Variants in BTBD9 observed in about 807,000 individuals in gnomAD.
The protein encoded by BTBD9 is BTB domain containing 9.
BTBD9 carries 49 observed loss-of-function variants against 64.3 expected under a neutral mutation model. The ratio of observed to expected loss-of-function variants is 0.76; its 90% confidence interval spans 0.61 to 0.97. The LOEUF (loss-of-function observed/expected upper bound fraction) is 0.97. Among genes scored for constraint, BTBD9 ranks in the 50% least tolerant of loss-of-function variants. BTBD9 has a pLI of 0.00. For missense variants in BTBD9, 598 were observed against 762.1 expected, an observed-to-expected ratio of 0.78 and a Z score of 2.53; for synonymous variants, 260 against 274.7, an observed-to-expected ratio of 0.95 and a Z score of 0.53.
intron 6 of BTBD9, among the ~76,000 whole-genome samples, chr6:38,428,658 C>T (rs72852635): frequency 0.051 from 7,653 of 151,204 alleles, 295 homozygotes; most frequent in Middle Eastern, 0.14. Flanking sequence ...GAATGGTTCC[C>T]AAACAACTGT....
chr6:38,414,454 AT>A (rs1369623004), intron 6 of BTBD9, among the ~76,000 whole-genome samples: 1 of 152,138 alleles, frequency 6.6e-6, no homozygotes, highest in Non-Finnish European at 1.5e-5. Flanking sequence ...TGAATTCATC[AT>A]TTTTCCCCCA....
chr6:38,355,534 T>A (rs1033535701), intron 6 of BTBD9, among the ~76,000 whole-genome samples: 4 of 152,168 alleles, frequency 2.6e-5, no homozygotes, highest in Non-Finnish European at 5.9e-5. Context: ...TCCTCACACT[T>A]GTTTCAGAAA....
intron 6 of BTBD9, among the ~76,000 whole-genome samples, chr6:38,469,703 A>G (rs985642436): frequency 4.6e-5 from 7 of 152,176 alleles, no homozygotes; most frequent in Non-Finnish European, 8.8e-5. Flanking sequence ...GGACCGTTAC[A>G]CAGATACCAG....
chr6:38,633,800 A>C (rs1235559578), intron 1 of BTBD9, among the ~76,000 whole-genome samples: 1 of 152,190 alleles, frequency 6.6e-6, no homozygotes, highest in African/African-American at 2.4e-5. Context: ...GCTAAAAAAA[A>C]AATATACATC....
At chr6:38,410,663 C>G (rs1767384291) in intron 6 of BTBD9, among the ~76,000 whole-genome samples, 1 of 152,004 alleles carries the variant, frequency 6.6e-6, no homozygotes, top group Admixed American at 6.6e-5. Flanking sequence ...ATGAATTAAA[C>G]ATCTTCAGTG....
rs532510651 is a variant in BTBD9 at position 38,322,916 on chromosome 6, C to T, written c.1264+22068G>A. On this transcript the variant is annotated intron_variant, in intron 7 of 10. Coordinates refer to ENST00000481247, the MANE Select transcript of BTBD9 (RefSeq NM_001099272.2). ...TGTCTGATAAATAATCTTTTCTTCA[C>T]GTACTATATCCTCAAGACAATTGAA... is the stretch of plus-strand genomic sequence containing the variant. Among the ~76,000 whole-genome samples the T allele has an allele frequency of 1.2e-3, 180 of 152,138 alleles. 1 individual carries two copies. Among genetic ancestry groups the T allele is most frequent in the African/African-American group, 4.1e-3 (169 of 41,476 alleles).
chr6:38,480,890 G>A (rs1358553895), intron 6 of BTBD9, among the ~76,000 whole-genome samples: 1 of 152,220 alleles, frequency 6.6e-6, no homozygotes, highest in African/African-American at 2.4e-5. Flanking sequence ...AAGAGATAGT[G>A]GGTATGAATG....
At chr6:38,461,159 C>T (rs1770068100) in intron 6 of BTBD9, among the ~76,000 whole-genome samples, 1 of 152,122 alleles carries the variant, frequency 6.6e-6, no homozygotes. Context: ...CTTTTGTTTG[C>T]TTTTAACAAC....
chr6:38,634,857 G>A (rs1037363715), intron 1 of BTBD9, among the ~76,000 whole-genome samples: 2 of 152,194 alleles, frequency 1.3e-5, no homozygotes, highest in Admixed American at 1.3e-4. Flanking sequence ...AATGAGATAA[G>A]CTCTACGAAA....
intron 6 of BTBD9, among the ~76,000 whole-genome samples, chr6:38,400,109 TC>T (rs1766863125): frequency 6.6e-6 from 1 of 152,028 alleles, no homozygotes; most frequent in Non-Finnish European, 1.5e-5. Flanking sequence ...ACTCTTCCTT[TC>T]CAAGGCATAC....
rs1232258698 is a variant in BTBD9, at chr6:38,639,902, C to G, written c.-130G>C. 1 of 152,406 alleles carries G rather than the reference C, an allele frequency of 6.6e-6. No individual in the cohort carries two copies. The highest frequency in any genetic ancestry group is 2.4e-5 in the African/African-American group (1 of 41,422). 9.4% of individuals were successfully genotyped at this position (152,406 alleles called of 1,614,324 possible). On this transcript the variant is annotated 5_prime_UTR_variant, in exon 1 of 11. Transcript: ENST00000481247. ...GCCCCCTTGGCCGCTTCCGTGGCCG[C>G]CGTCCTCGCCGCCGCCCCGGCTGCT... is the stretch of plus-strand genomic sequence containing the variant.
intron 1 of BTBD9, among the ~76,000 whole-genome samples, chr6:38,630,599 A>G (rs1322517448): frequency 6.6e-6 from 1 of 152,224 alleles, no homozygotes; most frequent in Admixed American, 6.5e-5. Context: ...TCTTTGTACT[A>G]TTCCAGCAAT....
intron 6 of BTBD9, among the ~76,000 whole-genome samples, chr6:38,444,632 G>A (rs1428761349): frequency 6.6e-6 from 1 of 152,086 alleles, no homozygotes; most frequent in Non-Finnish European, 1.5e-5. Flanking sequence ...TAACCCCTCT[G>A]TACTTCAGAC....
At chr6:38,385,542 ATATTTAT>A (rs1480140641) in intron 6 of BTBD9, among the ~76,000 whole-genome samples, 1 of 152,080 alleles carries the variant, frequency 6.6e-6, no homozygotes, top group African/African-American at 2.4e-5. Context: ...GTCTGAATGT[ATATTTAT>A]TATTGCAAGA....
At chr6:38,386,184 T>A (rs1398817950) in intron 6 of BTBD9, among the ~76,000 whole-genome samples, 1 of 152,212 alleles carries the variant, frequency 6.6e-6, no homozygotes, top group Non-Finnish European at 1.5e-5. Context: ...TAATTTTTGT[T>A]ATTTCATTCC....
intron 5 of BTBD9, among the ~76,000 whole-genome samples, chr6:38,579,872 TTGTG>T (rs981726141): frequency 9.2e-5 from 14 of 152,184 alleles, no homozygotes; most frequent in African/African-American, 2.4e-4. Flanking sequence ...GGTTTCTGTT[TTGTG>T]TGTGTATGTG....
chr6:38,191,397 C>T (rs1047621741), intron 10 of BTBD9, among the ~76,000 whole-genome samples: 14 of 152,270 alleles, frequency 9.2e-5, no homozygotes, highest in Non-Finnish European at 4.4e-5. Context: ...TGGATGGAAA[C>T]GAGAAGCCCT....
chr6:38,557,672 T>C (rs967686208), intron 6 of BTBD9, among the ~76,000 whole-genome samples: 2 of 152,168 alleles, frequency 1.3e-5, no homozygotes, highest in Non-Finnish European at 2.9e-5. Context: ...TATTAGGATA[T>C]CACTATGAGG....
intron 6 of BTBD9, among the ~76,000 whole-genome samples, chr6:38,385,793 A>AT (rs1766139002): frequency 8.2e-6 from 1 of 122,066 alleles, no homozygotes; most frequent in African/African-American, 4.1e-5. Context: ...ATAATATCAT[A>AT]CTTTTTTTTT....
Sources: allele counts gnomAD v4.1 joint callset (sites outside exome capture counted in the v4.1 genomes callset), GRCh38; gene constraint gnomAD v4.1.1; transcripts MANE v1.5; gene names NCBI Gene and HGNC (gene_info 2026-07-23, HGNC 2026-07-21).